DENND5B: variants seen among roughly 807,000 people sequenced by gnomAD.
The protein encoded by DENND5B is DENN domain-containing protein 5B.
Under a neutral mutation model 140.6 loss-of-function variants are expected in DENND5B, and 34 were observed. The ratio of observed to expected loss-of-function variants is 0.24; its 90% CI spans 0.18 to 0.32. The LOEUF (loss-of-function observed/expected upper bound fraction) is 0.32, where lower values mean the gene tolerates loss of function less well. Among genes scored for constraint, DENND5B ranks in the 10% least tolerant of loss-of-function variants. DENND5B has a pLI of 1.00. For missense variants in DENND5B, 1,142 were observed against 1,560.2 expected (o/e 0.73, Z 4.52); for synonymous variants, 551 against 562.1 (o/e 0.98, Z 0.28).
intron 7 of DENND5B, among the ~76,000 whole-genome samples, chr12:31,437,143 CCCCT>C (rs1943806406): frequency 2.2e-5 from 2 of 89,918 alleles, no homozygotes; most frequent in Non-Finnish European, 5.4e-5. Context: ...CACCTGCCCC[CCCCT>C]TTTTTTTTTT....
chr12:31,539,632 T>C (rs1331564556), intron 1 of DENND5B, among the ~76,000 whole-genome samples: 1 of 152,066 alleles, frequency 6.6e-6, no homozygotes, highest in Non-Finnish European at 1.5e-5. Flanking sequence ...ACAAAAACCA[T>C]ATGATCATTT....
chr12:31,398,263 T>C lies in DENND5B; in HGVS notation c.3168A>G (p.Leu1056=), dbSNP rs1941592620. 1 of 1,584,348 alleles carries C rather than the reference T, an allele frequency of 6.3e-7. No homozygotes were observed. Among genetic ancestry groups the C allele is most frequent in the South Asian group, 1.2e-5 (1 of 86,426 alleles). The change falls in exon 17 of 21, where the codon CTA becomes CTG. Residue 1056 remains leucine (L), a synonymous_variant. Coordinates refer to ENST00000389082, the MANE Select transcript of DENND5B (RefSeq NM_144973.4). ...GGGGTGGAGTCCGACACTGCTTTAC[T>C]AGATCTTCATCTGATGCTGATGTCA... ...ELMTSASDED[L]VKQCRTPPQQ...
chr12:31,479,827 G>A lies in DENND5B; in HGVS notation c.666C>T (p.Pro222=). ...TGTGGATATAGCTTTCAAGTGGCAA[G>A]GGTGGTGGCTGCTGTGAGGTAACAG... ...YKAVTSQQPP[P]LPLESYIHNI... Residue 222 remains proline (P), a synonymous_variant, in exon 3 of 21, where the codon CCC becomes CCT. Transcript: ENST00000389082. 6.2e-7 allele frequency: 1 copy of A among 1,613,884 alleles called. No individual in the cohort carries two copies. The highest frequency in any genetic ancestry group is 8.5e-7 in the Non-Finnish European group (1 of 1,179,844).
intron 1 of DENND5B, among the ~76,000 whole-genome samples, chr12:31,521,075 A>T (rs891644621): frequency 6.6e-6 from 1 of 151,908 alleles, no homozygotes; most frequent in Non-Finnish European, 1.5e-5. Context: ...CATATCAAGC[A>T]GCACAGCCTT....
chr12:31,586,293 T>C (rs1428111879), intron 1 of DENND5B, among the ~76,000 whole-genome samples: 1 of 152,228 alleles, frequency 6.6e-6, no homozygotes, highest in African/African-American at 2.4e-5. Context: ...TGAAACCTTT[T>C]CCTTATCTTT....
At chr12:31,465,128 A>G (rs1945200226) in intron 3 of DENND5B, 1 of 152,334 alleles carries the variant, frequency 6.6e-6, no homozygotes, top group South Asian at 2.1e-4. Flanking sequence ...GCTGTCCACC[A>G]GCATCACTGT....
intron 1 of DENND5B, among the ~76,000 whole-genome samples, chr12:31,521,736 C>T (rs982778427): frequency 2.0e-5 from 3 of 152,132 alleles, no homozygotes; most frequent in African/African-American, 7.2e-5. Context: ...ATTTAAGTAA[C>T]TGCCTGTAAT....
rs546969831 is a variant in DENND5B at position 31,566,294 on chromosome 12, GC to G, written c.127+24411del. Among the ~76,000 whole-genome samples, 630 of 151,954 alleles carry G rather than the reference GC, an allele frequency of 4.1e-3. 5 individuals carry two copies. The highest frequency in any genetic ancestry group is 0.014 in the African/African-American group (575 of 41,444). On this transcript the variant is annotated intron_variant, in intron 1 of 20. Coordinates refer to ENST00000389082, the MANE Select transcript of DENND5B (RefSeq NM_144973.4). ...GTAATCACATCTGTGAATAGCTACT[GC>G]ATTCCGGCCAGGGAAACATAGTGAG...
At chr12:31,573,715 C>T (rs374564540) in intron 1 of DENND5B, among the ~76,000 whole-genome samples, 55 of 152,304 alleles carry the variant, frequency 3.6e-4, no homozygotes, top group African/African-American at 1.2e-3. Context: ...CATTTGCTGG[C>T]TATCCCTCTA....
intron 1 of DENND5B, among the ~76,000 whole-genome samples, chr12:31,586,259 T>G (rs1014892161): frequency 2.0e-5 from 3 of 152,224 alleles, no homozygotes; most frequent in African/African-American, 7.2e-5. Context: ...TCCTTTCTTC[T>G]ACATGCAATA....
intron 1 of DENND5B, among the ~76,000 whole-genome samples, chr12:31,575,935 C>T (rs1385749101): frequency 6.6e-6 from 1 of 151,932 alleles, no homozygotes; most frequent in Non-Finnish European, 1.5e-5. Flanking sequence ...CACTGCACTC[C>T]AGCCTGGGAG....
intron 16 of DENND5B, among the ~76,000 whole-genome samples, chr12:31,399,199 C>T (rs373656550): frequency 3.8e-5 from 2 of 52,124 alleles, no homozygotes; most frequent in Admixed American, 3.9e-4. Context: ...ATGACATAAA[C>T]AAAAAAAAAA....
At chr12:31,559,199 G>C (rs1949393907) in intron 1 of DENND5B, among the ~76,000 whole-genome samples, 1 of 152,130 alleles carries the variant, frequency 6.6e-6, no homozygotes, top group African/African-American at 2.4e-5. Flanking sequence ...CACATTAGTG[G>C]AGGAAACGAT....
At chr12:31,427,120 A>G (rs1390118595) in intron 8 of DENND5B, among the ~76,000 whole-genome samples, 3 of 152,120 alleles carry the variant, frequency 2.0e-5, no homozygotes, top group Non-Finnish European at 2.9e-5. Context: ...CTAAAGCCCT[A>G]CCTTGCCTTG....
intron 3 of DENND5B, among the ~76,000 whole-genome samples, chr12:31,468,718 G>C (rs183572549): frequency 6.6e-6 from 1 of 152,250 alleles, no homozygotes; most frequent in East Asian, 1.9e-4. Context: ...GGCTAAGGCA[G>C]GAGGATTGCC....
At chr12:31,541,042 A>AT in intron 1 of DENND5B, 1 of 282,438 alleles carries the variant, frequency 3.5e-6, no homozygotes, top group South Asian at 1.9e-5. Flanking sequence ...CTTACCATAT[A>AT]AAAAAAAAAT....
chr12:31,568,734 A>G (rs1277477781), intron 1 of DENND5B, among the ~76,000 whole-genome samples: 1 of 152,188 alleles, frequency 6.6e-6, no homozygotes, highest in Non-Finnish European at 1.5e-5. Flanking sequence ...CGTTCAAATT[A>G]CACCCTGAAC....
At chr12:31,526,611 G>A (rs1003412266) in intron 1 of DENND5B, among the ~76,000 whole-genome samples, 39 of 152,312 alleles carry the variant, frequency 2.6e-4, no homozygotes, top group African/African-American at 8.9e-4. Context: ...GATTAGGGGA[G>A]ACTAAAGAGA....
intron 2 of DENND5B, among the ~76,000 whole-genome samples, chr12:31,487,898 C>T (rs1472979998): frequency 1.3e-5 from 2 of 152,036 alleles, no homozygotes; most frequent in African/African-American, 4.8e-5. Context: ...AGAAAACAAA[C>T]AAAAACAGCT....
Sources: allele counts gnomAD v4.1 joint callset (sites outside exome capture counted in the v4.1 genomes callset), GRCh38; gene constraint gnomAD v4.1.1; transcripts MANE v1.5; gene names NCBI Gene and HGNC (gene_info 2026-07-23, HGNC 2026-07-21).